STYX: variants seen among roughly 807,000 people sequenced by gnomAD.
STYX encodes serine/threonine/tyrosine-interacting protein.
STYX carries 20 observed loss-of-function variants against 42.7 expected under a neutral mutation model. That is an observed-to-expected ratio of 0.47 (90% confidence interval 0.33 to 0.68). The LOEUF is 0.68. Among genes scored for constraint, STYX ranks in the 30% least tolerant of loss-of-function variants. STYX has a pLI of 0.02. For synonymous variants in STYX, 78 were observed against 81.9 expected (o/e 0.95, Z 0.26); for missense variants, 226 against 268.5 (o/e 0.84, Z 1.11).
At chr14:52,757,256 A>G in intron 5 of STYX, 63 bp from the exon 6 acceptor site, 2 of 1,307,842 alleles carry the variant, frequency 1.5e-6, no homozygotes, top group Non-Finnish European at 2.1e-6. Context: ...AATAGGTTTC[A>G]TTTTGTTTCA....
Position 52,772,359 on chromosome 14 carries a change from T to G in STYX, c.*1253T>G, listed in dbSNP as rs1882544700. On this transcript the variant is annotated 3_prime_UTR_variant, in exon 11 of 11. Transcript: ENST00000354586. ...TAGCATTTTAATCCATTCTTGACAT[T>G]CAGTTAGTCCAGATCTGCCCCATAA... 3 of 152,416 alleles carry G rather than the reference T, an allele frequency of 2.0e-5. No homozygotes were observed. 9.4% of individuals were successfully genotyped at this position (152,416 alleles called of 1,614,324 possible).
intron 1 of STYX, among the ~76,000 whole-genome samples, chr14:52,738,855 A>G (rs1374697931): frequency 1.3e-5 from 2 of 152,152 alleles, no homozygotes; most frequent in East Asian, 3.8e-4. Context: ...ACTGACACAA[A>G]GTATCATCTA....
chr14:52,759,488 A>G (rs1197106199), intron 8 of STYX, among the ~76,000 whole-genome samples, 194 bp from the exon 9 acceptor site: 2 of 152,168 alleles, frequency 1.3e-5, no homozygotes, highest in Non-Finnish European at 2.9e-5. Context: ...CATTTTACCA[A>G]TGGACAAAAT....
chr14:52,732,278 T>TC (rs1184879115), intron 1 of STYX, among the ~76,000 whole-genome samples: 1 of 146,660 alleles, frequency 6.8e-6, no homozygotes, highest in Non-Finnish European at 1.5e-5. Flanking sequence ...TTTTTTTTTT[T>TC]TTTTTTGAGA....
intron 1 of STYX, among the ~76,000 whole-genome samples, chr14:52,732,658 G>A (rs1402267859): frequency 6.6e-6 from 1 of 151,884 alleles, no homozygotes; most frequent in African/African-American, 2.4e-5. Context: ...TGAATGAAGA[G>A]TATGCTTTTA....
At chr14:52,761,240 A>G in intron 9 of STYX, among the ~76,000 whole-genome samples, 1 of 151,700 alleles carries the variant, frequency 6.6e-6, no homozygotes, top group South Asian at 2.1e-4. Flanking sequence ...AGGCAGGAGA[A>G]TCGCTTGAAC....
intron 9 of STYX, among the ~76,000 whole-genome samples, chr14:52,763,629 TG>T (rs1467472893): frequency 1.3e-5 from 2 of 152,146 alleles, no homozygotes; most frequent in Non-Finnish European, 2.9e-5. Context: ...TATAGGTGAC[TG>T]GGTTTTAAAT....
Position 52,730,403 on chromosome 14 carries a change from C to T in STYX, c.-72C>T. On this transcript the variant is annotated 5_prime_UTR_variant, in exon 1 of 11. Transcript: ENST00000354586. The stretch of plus-strand genomic sequence containing the variant: ...CGCCGGCCCTCCTTCCTTCCGCCGC[C>T]GCAGCCAGCCCGAGGGTCGGCCGGC... 1.9e-6 allele frequency: 3 copies of T among 1,554,510 alleles called. No individual in the cohort carries two copies. In the South Asian group the frequency reaches 3.4e-5, roughly 18 times the overall value.
intron 1 of STYX, among the ~76,000 whole-genome samples, chr14:52,739,776 G>A (rs948574378): frequency 6.6e-6 from 1 of 150,940 alleles, no homozygotes; most frequent in African/African-American, 2.4e-5. Context: ...CAAGTAGCTA[G>A]GACCTCAGTC....
chr14:52,747,930 T>TG (rs1392445665), intron 3 of STYX, among the ~76,000 whole-genome samples: 7 of 152,134 alleles, frequency 4.6e-5, no homozygotes, highest in African/African-American at 1.7e-4. Context: ...AGGTAGAAGT[T>TG]GCAGTGAGCC....
At chr14:52,751,188 A>T (rs1426511069) in intron 4 of STYX, among the ~76,000 whole-genome samples, 3 of 152,072 alleles carry the variant, frequency 2.0e-5, no homozygotes, top group East Asian at 3.8e-4. Context: ...AGTCTTATAG[A>T]TAAATTTTTT....
intron 1 of STYX, among the ~76,000 whole-genome samples, chr14:52,739,474 A>G (rs989783751): frequency 6.6e-6 from 1 of 152,162 alleles, no homozygotes; most frequent in Non-Finnish European, 1.5e-5. Context: ...ATCTTTTAAA[A>G]AGAAAAAAGT....
intron 6 of STYX, 76 bp from the exon 7 acceptor site, chr14:52,757,667 T>G (rs1334749556): frequency 1.3e-5 from 18 of 1,344,728 alleles, no homozygotes; most frequent in Non-Finnish European, 1.9e-5. Context: ...AAGGAGTTAC[T>G]TTACTGTGGT....
chr14:52,734,428 TGA>T (rs1230304183), intron 1 of STYX, among the ~76,000 whole-genome samples: 4 of 152,194 alleles, frequency 2.6e-5, no homozygotes, highest in Non-Finnish European at 4.4e-5. Flanking sequence ...TGTGTGAGGC[TGA>T]GAGTTCAACC....
intron 1 of STYX, 40 bp downstream of exon 1, chr14:52,730,571 TG>T: frequency 2.5e-6 from 4 of 1,604,784 alleles, no homozygotes; most frequent in Non-Finnish European, 3.4e-6. Flanking sequence ...GGCCTCTCCC[TG>T]TGGCTCCGGC....
At chr14:52,751,723 G>C (rs139549758) in intron 4 of STYX, among the ~76,000 whole-genome samples, 2 of 152,088 alleles carry the variant, frequency 1.3e-5, no homozygotes, top group African/African-American at 4.8e-5. Context: ...TTTTAAAATA[G>C]AGTATATTAC....
intron 4 of STYX, among the ~76,000 whole-genome samples, chr14:52,753,227 A>G (rs1053009957): frequency 6.6e-6 from 1 of 150,952 alleles, no homozygotes; most frequent in African/African-American, 2.4e-5. Context: ...TTTTTTTTGT[A>G]TTTTTAGTAG....
intron 3 of STYX, among the ~76,000 whole-genome samples, chr14:52,747,473 T>C (rs1282663099): frequency 6.6e-6 from 1 of 152,204 alleles, no homozygotes; most frequent in Non-Finnish European, 1.5e-5. Context: ...CTGGTCATCT[T>C]GATGATTTTT....
chr14:52,734,596 G>T (rs1429119092), intron 1 of STYX, among the ~76,000 whole-genome samples: 1 of 152,172 alleles, frequency 6.6e-6, no homozygotes, highest in Non-Finnish European at 1.5e-5. Context: ...GAACTGGAGA[G>T]AAAGACCATG....
Sources: gnomAD v4.1 joint callset for allele counts (sites outside exome capture counted in the v4.1 genomes callset) on GRCh38, gnomAD v4.1.1 for gene constraint, MANE v1.5 for transcripts, NCBI Gene and HGNC (gene_info 2026-07-23, HGNC 2026-07-21) for gene names.